The following NEK1 variants were observed in gnomAD, a reference collection of about 807,000 sequenced individuals.
NEK1 encodes the protein NIMA related kinase 1.
A neutral mutation model predicts 182.1 loss-of-function variants in NEK1; 137 were observed. The observed-to-expected ratio is 0.75, with a 90% CI of 0.65 to 0.87. The LOEUF is 0.87. Among genes scored for constraint, NEK1 ranks in the 40% least tolerant of loss-of-function variants. The pLI, the probability that NEK1 is intolerant of heterozygous loss-of-function variation, is 0.00. For synonymous variants in NEK1, 513 were observed against 492.2 expected (o/e 1.04, Z -0.56); for missense variants, 1,391 against 1,494.4 (o/e 0.93, Z 1.14).
intron 23 of NEK1, among the ~76,000 whole-genome samples, chr4:169,492,044 G>T (rs1297248098): frequency 6.6e-6 from 1 of 152,116 alleles, no homozygotes; most frequent in Non-Finnish European, 1.5e-5. Context: ...TTAGCACATA[G>T]CACAAAATCA....
At chr4:169,514,790 G>C (rs1243700023) in intron 19 of NEK1, among the ~76,000 whole-genome samples, 1 of 151,974 alleles carries the variant, frequency 6.6e-6, no homozygotes, top group Admixed American at 6.6e-5. Context: ...ATGTTTCTAA[G>C]AGTCAGTTTT....
chr4:169,525,886 C>T (rs1756823242), intron 19 of NEK1, among the ~76,000 whole-genome samples: 3 of 152,132 alleles, frequency 2.0e-5, no homozygotes, highest in Admixed American at 2.0e-4. Context: ...GGGTTTGCAC[C>T]CTGTTTCTGG....
At chr4:169,479,313 G>GACATT in intron 24 of NEK1, 90 bp downstream of exon 24, 2 of 1,313,018 alleles carry the variant, frequency 1.5e-6, no homozygotes, top group Non-Finnish European at 1.1e-6. Context: ...ACCTGAAAGG[G>GACATT]ACATTAGGGA....
At chr4:169,596,205 CAAA>C (rs1769461970) in intron 5 of NEK1, among the ~76,000 whole-genome samples, 1 of 152,086 alleles carries the variant, frequency 6.6e-6, no homozygotes, top group South Asian at 2.1e-4. Context: ...AAAATCCAAT[CAAA>C]GATTCTTTAT....
chr4:169,610,553 T>A (rs1018384855), intron 2 of NEK1, among the ~76,000 whole-genome samples: 1 of 152,130 alleles, frequency 6.6e-6, no homozygotes, highest in African/African-American at 2.4e-5. Flanking sequence ...CCTCAAGTGA[T>A]CCACCCACCG....
At chr4:169,453,475 T>C (rs751811467) in intron 27 of NEK1, among the ~76,000 whole-genome samples, 6 of 152,198 alleles carry the variant, frequency 3.9e-5, no homozygotes, top group African/African-American at 1.2e-4. Context: ...AAACTGGCTA[T>C]AATCAAAATC....
chr4:169,473,262 A>C (rs1404069676), intron 26 of NEK1, among the ~76,000 whole-genome samples: 17 of 147,440 alleles, frequency 1.2e-4, no homozygotes, highest in Admixed American at 4.0e-4. Flanking sequence ...AAAAAAAAAA[A>C]CTGCATATTC....
chr4:169,410,205 T>C (rs989764752), intron 31 of NEK1, among the ~76,000 whole-genome samples: 1 of 152,182 alleles, frequency 6.6e-6, no homozygotes, highest in African/African-American at 2.4e-5. Flanking sequence ...ATTTTTTTTT[T>C]CAAGATTGTT....
intron 19 of NEK1, among the ~76,000 whole-genome samples, chr4:169,520,964 G>T (rs1755879463): frequency 3.7e-5 from 1 of 26,912 alleles, no homozygotes; most frequent in African/African-American, 1.4e-4. Context: ...CTTTTTGTTT[G>T]TCTGTGCCCT....
At chr4:169,433,356 G>A (rs564407215) in intron 29 of NEK1, among the ~76,000 whole-genome samples, 189 bp downstream of exon 29, 45 of 152,248 alleles carry the variant, frequency 3.0e-4, no homozygotes, top group African/African-American at 9.4e-4. Context: ...CACTGTGCCC[G>A]GCCTCTTCAA....
Position 169,477,213 on chromosome 4 carries a change from G to C in NEK1, c.2345C>G (p.Ser782Ter). 6.2e-7 allele frequency: 1 copy of C among 1,607,136 alleles called. No homozygotes were observed. The highest frequency in any genetic ancestry group is 8.5e-7 in the Non-Finnish European group (1 of 1,176,332). Residue 782 changes from serine to a stop codon, truncating the protein, a stop_gained, in exon 26 of 36, where the codon TCA (serine) becomes TGA (stop). Transcript: ENST00000507142. LOFTEE classifies it high-confidence loss of function. ...AKEHEKEKSV[S>*]SDRKKWEAGG... Reference sequence around the variant, plus strand: ...TGCCTCCCACTTCTTGCGATCAGATGAAACTGATTTTTCTTTTTCATGCTC... The same window carrying C: ...TGCCTCCCACTTCTTGCGATCAGATCAAACTGATTTTTCTTTTTCATGCTC...
chr4:169,506,833 TAACTTC>T (rs200131328), intron 23 of NEK1, 198 bp downstream of exon 23: 32,340 of 304,970 alleles, frequency 0.11, 1,841 homozygotes, highest in East Asian at 0.16. Flanking sequence ...ATCTCCCAAA[TAACTTC>T]CACATTGATT....
chr4:169,516,446 T>A (rs1755259655), intron 19 of NEK1, among the ~76,000 whole-genome samples: 1 of 107,442 alleles, frequency 9.3e-6, no homozygotes, highest in Admixed American at 9.0e-5. Context: ...TCTCCCATGT[T>A]GTAGGTTGCC....
At chr4:169,603,706 ATTTT>A (rs398064265) in intron 2 of NEK1, among the ~76,000 whole-genome samples, 1 of 129,700 alleles carries the variant, frequency 7.7e-6, no homozygotes, top group African/African-American at 2.8e-5. Context: ...TTTATTGAAC[ATTTT>A]TTTTTTTTTT....
chr4:169,600,152 T>C (rs1040470439), intron 4 of NEK1, among the ~76,000 whole-genome samples: 3 of 152,198 alleles, frequency 2.0e-5, no homozygotes, highest in Admixed American at 2.0e-4. Context: ...AAGAACAGTT[T>C]TCCTAGTTCT....
chr4:169,484,865 G>A (rs1234468264), intron 23 of NEK1, among the ~76,000 whole-genome samples: 2 of 152,150 alleles, frequency 1.3e-5, no homozygotes, highest in East Asian at 3.9e-4. Flanking sequence ...CTGCTATAGG[G>A]ATTGCATGAG....
intron 4 of NEK1, 80 bp downstream of exon 4, chr4:169,601,928 T>C (rs777660240): frequency 2.3e-4 from 228 of 982,950 alleles, no homozygotes; most frequent in Non-Finnish European, 3.3e-4. Flanking sequence ...AAAAATGGTA[T>C]CTTTTTCCTA....
At chr4:169,452,323 C>T (rs1234175685) in intron 27 of NEK1, among the ~76,000 whole-genome samples, 2 of 152,176 alleles carry the variant, frequency 1.3e-5, no homozygotes, top group Non-Finnish European at 2.9e-5. Context: ...TTTTATGAGG[C>T]CAACATCATC....
At chr4:169,407,231 A>G (rs888145948) in intron 31 of NEK1, among the ~76,000 whole-genome samples, 2 of 152,184 alleles carry the variant, frequency 1.3e-5, no homozygotes, top group Non-Finnish European at 2.9e-5. Flanking sequence ...TCCTATGGTC[A>G]ACTTGCCCCA....
Sources: allele counts gnomAD v4.1 joint callset (sites outside exome capture counted in the v4.1 genomes callset), GRCh38; gene constraint gnomAD v4.1.1; transcripts MANE v1.5; gene names NCBI Gene and HGNC (gene_info 2026-07-23, HGNC 2026-07-21).